PTPRR: variants seen among roughly 807,000 people sequenced by gnomAD.
PTPRR encodes protein tyrosine phosphatase receptor type R.
A neutral mutation model predicts 77.2 loss-of-function variants in PTPRR; 38 were observed. That is an observed-to-expected ratio of 0.49 (90% confidence interval 0.38 to 0.65). The LOEUF (loss-of-function observed/expected upper bound fraction) is 0.65, where lower values mean the gene tolerates loss of function less well. Among genes scored for constraint, PTPRR ranks in the 30% least tolerant of loss-of-function variants. The pLI is 0.00. For synonymous variants in PTPRR, 299 were observed against 283.1 expected (o/e 1.06, Z -0.57); for missense variants, 744 against 799.2 (o/e 0.93, Z 0.83).
At chr12:70,715,266 T>C (rs896988672) in intron 6 of PTPRR, among the ~76,000 whole-genome samples, 1 of 151,972 alleles carries the variant, frequency 6.6e-6, no homozygotes, top group Non-Finnish European at 1.5e-5. Flanking sequence ...GGAGGGAGTA[T>C]ACGAACAGGG....
intron 2 of PTPRR, among the ~76,000 whole-genome samples, chr12:70,857,848 A>G (rs1008314698): frequency 6.6e-6 from 1 of 152,144 alleles, no homozygotes; most frequent in African/African-American, 2.4e-5. Flanking sequence ...ATATACTGCA[A>G]GGCAAAAGTC....
At chr12:70,689,503 C>A (rs989277185) in intron 8 of PTPRR, among the ~76,000 whole-genome samples, 1 of 152,056 alleles carries the variant, frequency 6.6e-6, no homozygotes, top group Admixed American at 6.5e-5. Context: ...CTTTTTCCTC[C>A]AAGGGGTCTT....
rs1036696704 is a variant in PTPRR at position 70,754,317 on chromosome 12, A to G, written c.628-16T>C. 6.2e-7 allele frequency: 1 copy of G among 1,612,584 alleles called. No homozygotes were observed. The highest frequency in any genetic ancestry group is 8.5e-7 in the Non-Finnish European group (1 of 1,179,530). ...AAACATTTTTCTTTAAAAGCAAAAC[A>G]GAAAGTCCGACGTTAAATGAGAGCT... is the stretch of plus-strand genomic sequence containing the variant. On this transcript the variant is annotated splice_polypyrimidine_tract_variant and intron_variant, in intron 4 of 13. Coordinates refer to ENST00000283228, the MANE Select transcript of PTPRR (RefSeq NM_002849.4).
chr12:70,769,076 A>C (rs1047027591), intron 2 of PTPRR, among the ~76,000 whole-genome samples: 1 of 135,562 alleles, frequency 7.4e-6, no homozygotes, highest in Non-Finnish European at 1.5e-5. Flanking sequence ...AAAAACTGGA[A>C]GCATTCCCTT....
chr12:70,697,060 G>A (rs1050576138), intron 8 of PTPRR, among the ~76,000 whole-genome samples: 1 of 151,996 alleles, frequency 6.6e-6, no homozygotes, highest in Admixed American at 6.6e-5. Flanking sequence ...TCATTTTTGT[G>A]TGAACACATT....
Position 70,795,913 on chromosome 12 carries a change from A to ATTTTTTTTTTTT in PTPRR, c.358-31147_358-31136dup, listed in dbSNP as rs71437157. On this transcript the variant is annotated intron_variant, in intron 2 of 13. Coordinates refer to ENST00000283228, the MANE Select transcript of PTPRR (RefSeq NM_002849.4). The stretch of plus-strand genomic sequence containing the variant: ...TATATGTTCAAAATGTATTTAGTAG[A>ATTTTTTTTTTTT]TTTTTTTTTTTTTTTTTTTTTTTTT... Among the ~76,000 whole-genome samples the ATTTTTTTTTTTT allele has an allele frequency of 6.0e-4, 53 of 88,390 alleles. 20 individuals carry two copies. The highest frequency in any genetic ancestry group is 4.3e-3 in the South Asian group (11 of 2,564). The allele number at this position is 88,390 out of a possible 152,430, so 58.0% of individuals were successfully genotyped here.
At chr12:70,904,876 G>T (rs927250359) in intron 1 of PTPRR, among the ~76,000 whole-genome samples, 1 of 151,570 alleles carries the variant, frequency 6.6e-6, no homozygotes, top group Non-Finnish European at 1.5e-5. Context: ...CAAAATAAGT[G>T]GAAAAATCAA....
chr12:70,758,312 C>A (rs1263649904), intron 4 of PTPRR, among the ~76,000 whole-genome samples: 1 of 152,084 alleles, frequency 6.6e-6, no homozygotes, highest in Non-Finnish European at 1.5e-5. Flanking sequence ...AAGCTAAGTA[C>A]CTCACCTTCA....
intron 2 of PTPRR, among the ~76,000 whole-genome samples, chr12:70,859,286 C>A (rs1477927999): frequency 1.3e-5 from 2 of 152,010 alleles, no homozygotes; most frequent in Non-Finnish European, 2.9e-5. Context: ...AATATCAGTA[C>A]TTGGGCTGCA....
chr12:70,900,185 T>C (rs1256958592), intron 1 of PTPRR, among the ~76,000 whole-genome samples: 1 of 151,194 alleles, frequency 6.6e-6, no homozygotes, highest in Non-Finnish European at 1.5e-5. Flanking sequence ...GCAAAATAAA[T>C]AGAAAGCTAA....
rs1174021927 is a variant in PTPRR, at chr12:70,698,286, G to A, written c.1258C>T (p.Arg420Cys). ...TTACTTGGTAAAATGGTCTTATAGCGATTTTTAGTTCCATGACGCGGAATA... is the reference window on the plus strand; with the variant it reads ...TTACTTGGTAAAATGGTCTTATAGCAATTTTTAGTTCCATGACGCGGAATA... ...IDIPRHGTKNRYKTILPNPLS... is the reference protein window; with the variant it reads ...IDIPRHGTKNCYKTILPNPLS... The change falls in exon 8 of 14, where the codon CGC becomes TGC. Residue 420 changes from arginine (R) to cysteine (C), a missense_variant. Coordinates refer to ENST00000283228, the MANE Select transcript of PTPRR (RefSeq NM_002849.4). 1.2e-6 allele frequency: 2 copies of A among 1,612,744 alleles called. No homozygotes were observed. Among genetic ancestry groups the A allele is most frequent in the East Asian group, 2.2e-5 (1 of 44,850 alleles).
intron 2 of PTPRR, among the ~76,000 whole-genome samples, chr12:70,858,672 T>C (rs1892694752): frequency 6.6e-6 from 1 of 152,064 alleles, no homozygotes; most frequent in Non-Finnish European, 1.5e-5. Context: ...CATTTTCTTT[T>C]CAATATCTTC....
At chr12:70,656,314 G>A (rs948198538) in intron 13 of PTPRR, among the ~76,000 whole-genome samples, 3 of 152,210 alleles carry the variant, frequency 2.0e-5, no homozygotes, top group African/African-American at 7.2e-5. Context: ...AGATTCACTT[G>A]TGGTCAGGAG....
At chr12:70,649,101 C>A (rs1170112235) in intron 13 of PTPRR, among the ~76,000 whole-genome samples, 1 of 152,156 alleles carries the variant, frequency 6.6e-6, no homozygotes, top group East Asian at 1.9e-4. Flanking sequence ...GTCTCTGAAC[C>A]AGACCATTTG....
Position 70,892,734 on chromosome 12 carries a change from C to T in PTPRR, c.302G>A (p.Gly101Asp). 6.2e-7 allele frequency: 1 copy of T among 1,613,414 alleles called. No homozygotes were observed. Among genetic ancestry groups the T allele is most frequent in the Non-Finnish European group, 8.5e-7 (1 of 1,179,490 alleles). ...GAGATTTTCCACTTCAAGATCTTGA[C>T]CATCCATGGCCAGCAGATTGAGAGA... ...DPSLNLLAMD[G>D]QDLEVENLPI... The change falls in exon 2 of 14, where the codon GGT (glycine) becomes GAT (aspartate). Residue 101 changes from glycine to aspartate, a missense_variant. Gly to Asp is a moderately conservative substitution (Grantham distance 94). Transcript: ENST00000283228.
At chr12:70,861,496 T>C (rs1226796905) in intron 2 of PTPRR, among the ~76,000 whole-genome samples, 2 of 152,108 alleles carry the variant, frequency 1.3e-5, no homozygotes, top group South Asian at 2.1e-4. Flanking sequence ...ATCAGTCGGA[T>C]TGTAAAATTT....
intron 2 of PTPRR, among the ~76,000 whole-genome samples, chr12:70,809,430 T>G (rs1023375440): frequency 3.3e-5 from 5 of 152,198 alleles, no homozygotes; most frequent in Non-Finnish European, 7.3e-5. Flanking sequence ...ATTTGTTGGT[T>G]TTTGCTGCTG....
At chr12:70,641,500 C>A (rs1305712750) in intron 13 of PTPRR, among the ~76,000 whole-genome samples, 9 of 152,152 alleles carry the variant, frequency 5.9e-5, no homozygotes, top group Non-Finnish European at 1.0e-4. Context: ...CTATGACATT[C>A]TGTTCACTAA....
intron 6 of PTPRR, among the ~76,000 whole-genome samples, chr12:70,736,311 C>T (rs1312430692): frequency 6.6e-6 from 1 of 152,130 alleles, no homozygotes; most frequent in Non-Finnish European, 1.5e-5. Context: ...GAAAGCCAAG[C>T]ATAAAATTTG....
Sources: allele counts gnomAD v4.1 joint callset (sites outside exome capture counted in the v4.1 genomes callset), GRCh38; gene constraint gnomAD v4.1.1; transcripts MANE v1.5; gene names NCBI Gene and HGNC (gene_info 2026-07-23, HGNC 2026-07-21).